Variants in DCLK2 observed in about 807,000 individuals in gnomAD.
The protein encoded by DCLK2 is doublecortin like kinase 2.
A neutral mutation model predicts 78.4 loss-of-function variants in DCLK2; 31 were observed. That is an observed-to-expected ratio of 0.40 (90% CI 0.30 to 0.53). The LOEUF is 0.53. Ranked by LOEUF, DCLK2 falls within the 20% of genes least tolerant of loss-of-function variation. The pLI is 0.61. For synonymous variants in DCLK2, 407 were observed against 374.9 expected, an observed-to-expected ratio of 1.09 and a Z score of -0.99; for missense variants, 872 against 973.7, an observed-to-expected ratio of 0.90 and a Z score of 1.39.
At chr4:150,090,133 C>T (rs960543234) in intron 1 of DCLK2, among the ~76,000 whole-genome samples, 4 of 135,722 alleles carry the variant, frequency 2.9e-5, no homozygotes, top group African/African-American at 7.9e-5. Context: ...GGGCTGGGCA[C>T]GGTGGCTCAT....
At chr4:150,137,077 G>A (rs1291431383) in intron 2 of DCLK2, among the ~76,000 whole-genome samples, 2 of 146,602 alleles carry the variant, frequency 1.4e-5, no homozygotes, top group African/African-American at 5.0e-5. Flanking sequence ...GAGCTCCTGG[G>A]CTCAAGGGAT....
intron 10 of DCLK2, among the ~76,000 whole-genome samples, chr4:150,238,572 A>C (rs944074383): frequency 6.6e-6 from 1 of 152,200 alleles, no homozygotes; most frequent in Non-Finnish European, 1.5e-5. Flanking sequence ...ACCTTTTCCA[A>C]TGTGATAATT....
At chr4:150,180,066 T>G (rs1737395014) in intron 2 of DCLK2, among the ~76,000 whole-genome samples, 1 of 152,262 alleles carries the variant, frequency 6.6e-6, no homozygotes, top group Admixed American at 6.5e-5. Flanking sequence ...AAAAATTATC[T>G]GACTTACCTC....
At position 150,243,005 on chromosome 4, in the gene DCLK2, G is replaced by A. The variant is rs369119748; in HGVS notation, c.1778+2529G>A. 1.1e-4 allele frequency among the ~76,000 whole-genome samples: 17 copies of A among 152,312 alleles called. 1 individual carries two copies. The highest frequency in any genetic ancestry group is 2.9e-4 in the African/African-American group (12 of 41,568). On this transcript the variant is annotated intron_variant, in intron 12 of 15. Coordinates refer to ENST00000296550, the MANE Select transcript of DCLK2 (RefSeq NM_001040260.4). ...CCCTTCCCTGGCTAACCCAAGCTGG[G>A]ATCAGCTGGGAAAGGGTCTTGGGTG...
At position 150,110,631 on chromosome 4, in the gene DCLK2, C is replaced by G. The variant is rs78736823; in HGVS notation, c.756+7819C>G. Among the ~76,000 whole-genome samples the G allele has an allele frequency of 4.9e-3, 746 of 152,166 alleles. 6 individuals carry two copies. The highest frequency in any genetic ancestry group is 0.017 in the African/African-American group (688 of 41,484). On this transcript the variant is annotated intron_variant, in intron 2 of 15. Coordinates refer to ENST00000296550, the MANE Select transcript of DCLK2 (RefSeq NM_001040260.4). ...TATGTAGTTTTTTAATCCCCTACCC[C>G]CTTCCACCCTCCCCACTTCTGAGTC...
chr4:150,188,639 C>T (rs1303126390), intron 2 of DCLK2, among the ~76,000 whole-genome samples: 1 of 152,000 alleles, frequency 6.6e-6, no homozygotes, highest in Non-Finnish European at 1.5e-5. Flanking sequence ...TGGTGGCTCA[C>T]GCCTGTAATC....
chr4:150,232,183 G>A (rs1056153812), intron 8 of DCLK2, among the ~76,000 whole-genome samples, 154 bp from the exon 9 acceptor site: 1 of 152,236 alleles, frequency 6.6e-6, no homozygotes, highest in African/African-American at 2.4e-5. Context: ...TCCCTACAGG[G>A]ACAATTAGGT....
intron 2 of DCLK2, among the ~76,000 whole-genome samples, chr4:150,144,700 C>G (rs114851464): frequency 0.029 from 4,385 of 152,194 alleles, 173 homozygotes; most frequent in African/African-American, 0.096. Flanking sequence ...GATCTTTTCA[C>G]CTCAGCTTCC....
At chr4:150,155,897 A>G (rs1185288455) in intron 2 of DCLK2, among the ~76,000 whole-genome samples, 1 of 152,204 alleles carries the variant, frequency 6.6e-6, no homozygotes, top group Non-Finnish European at 1.5e-5. Context: ...GATGTAAAGC[A>G]GGAAGGAAGA....
intron 3 of DCLK2, among the ~76,000 whole-genome samples, chr4:150,193,952 A>C (rs1289779625): frequency 6.6e-6 from 1 of 150,496 alleles, no homozygotes; most frequent in Non-Finnish European, 1.5e-5. Context: ...GGGTCTTGCT[A>C]TGTTGCCCAG....
At chr4:150,222,642 T>A (rs1580746328) in intron 7 of DCLK2, among the ~76,000 whole-genome samples, 1 of 151,282 alleles carries the variant, frequency 6.6e-6, no homozygotes, top group East Asian at 2.0e-4. Context: ...GGCCAGGAGT[T>A]CAAGACCAGC....
In DCLK2 at chr4:150,232,288, A is replaced by G. The variant is rs750742171; in HGVS notation, c.1300-49A>G. On this transcript the variant is annotated intron_variant, in intron 8 of 15. Transcript: ENST00000296550. ...TGCTGTCCTCCAGGCCTTCGAGAGC[A>G]GAGGGTTCTGTGATTTCTGATCTCC... 2.5e-5 allele frequency: 40 copies of G among 1,594,602 alleles called. No homozygotes were observed. The South Asian group carries it at 3.8e-4, about 15-fold the overall frequency.
In DCLK2 at chr4:150,157,167, G is replaced by GTT. The variant is rs34730849; in HGVS notation, c.757-35957_757-35956dup. Among the ~76,000 whole-genome samples, 121 of 137,246 alleles carry GTT rather than the reference G, an allele frequency of 8.8e-4. 1 individual carries two copies. The highest frequency in any genetic ancestry group is 4.4e-3 in the East Asian group (21 of 4,764). 90.0% of individuals were successfully genotyped at this position (137,246 alleles called of 152,430 possible). A position where few individuals can be genotyped will look rare whatever the true frequency, so the allele number is the denominator to read the frequency against. On this transcript the variant is annotated intron_variant, in intron 2 of 15. Transcript: ENST00000296550. Reference sequence around the variant, plus strand: ...TTAGCTGGTTTAGTGTTTCTCACCTGTTTTTTTTTTTTTTTGTTACTGTCC... The same window carrying GTT: ...TTAGCTGGTTTAGTGTTTCTCACCTGTTTTTTTTTTTTTTTTTGTTACTGTCC...
At chr4:150,185,482 T>C (rs1737859991) in intron 2 of DCLK2, among the ~76,000 whole-genome samples, 3 of 151,544 alleles carry the variant, frequency 2.0e-5, no homozygotes, top group Admixed American at 2.0e-4. Flanking sequence ...GGGAGGCCAA[T>C]GCGGGCGGAT....
chr4:150,199,975 G>T (rs1191370982), intron 4 of DCLK2, among the ~76,000 whole-genome samples: 1 of 152,192 alleles, frequency 6.6e-6, no homozygotes, highest in Admixed American at 6.5e-5. Flanking sequence ...CCTGTGCATA[G>T]CCACTGCACT....
intron 9 of DCLK2, 85 bp from the exon 10 acceptor site, chr4:150,232,597 C>A (rs760931278): frequency 5.8e-5 from 89 of 1,535,954 alleles, no homozygotes; most frequent in Non-Finnish European, 7.4e-5. Flanking sequence ...GTGTCATTCT[C>A]TGCTTTATGC....
chr4:150,079,514 G>A, intron 1 of DCLK2, 66 bp downstream of exon 1: 1 of 1,405,248 alleles, frequency 7.1e-7, no homozygotes, highest in South Asian at 1.5e-5. Flanking sequence ...GGCGTGAGCC[G>A]GCGCAGCGGG....
At chr4:150,250,890 C>T (rs75937245) in intron 15 of DCLK2, among the ~76,000 whole-genome samples, 6 of 69,930 alleles carry the variant, frequency 8.6e-5, no homozygotes, top group Non-Finnish European at 1.7e-4. Flanking sequence ...ACTCCCCACA[C>T]CCCCCACACC....
intron 2 of DCLK2, among the ~76,000 whole-genome samples, chr4:150,188,205 G>A (rs112535813): frequency 4.1e-4 from 62 of 152,198 alleles, no homozygotes; most frequent in African/African-American, 1.4e-3. Context: ...CAGGTGTGGC[G>A]GCTAACATTT....
Sources: allele counts gnomAD v4.1 joint callset (sites outside exome capture counted in the v4.1 genomes callset), GRCh38; gene constraint gnomAD v4.1.1; transcripts MANE v1.5; gene names NCBI Gene and HGNC (gene_info 2026-07-23, HGNC 2026-07-21).